CEACAM20: variants seen among roughly 807,000 people sequenced by gnomAD.
CEACAM20 encodes the protein cell adhesion molecule CEACAM20.
Under a neutral mutation model 61.2 loss-of-function variants are expected in CEACAM20, and 50 were observed. The observed-to-expected ratio is 0.82, with a 90% CI of 0.65 to 1.03. The LOEUF (loss-of-function observed/expected upper bound fraction) is 1.03. Ranked by LOEUF, CEACAM20 falls within the 50% of genes least tolerant of loss-of-function variation. The pLI is 0.00. For missense variants in CEACAM20, 683 were observed against 736.4 expected (o/e 0.93, Z 0.84); for synonymous variants, 282 against 287.7 (o/e 0.98, Z 0.20).
At chr19:44,527,464 C>T (rs539056143) in intron 1 of CEACAM20, among the ~76,000 whole-genome samples, 7 of 152,266 alleles carry the variant, frequency 4.6e-5, no homozygotes, top group South Asian at 2.1e-4. Context: ...TGAAAAATGG[C>T]GGTAGTAACA....
chr19:44,523,015 A>G, intron 3 of CEACAM20, 103 bp from the exon 4 acceptor site: 4 of 1,002,262 alleles, frequency 4.0e-6, no homozygotes, highest in Non-Finnish European at 5.9e-6. Context: ...CCTCCTCCCC[A>G]CTCAAAGGCT....
intron 6 of CEACAM20, among the ~76,000 whole-genome samples, chr19:44,515,415 G>A (rs1321261605): frequency 6.6e-6 from 1 of 152,192 alleles, no homozygotes; most frequent in Non-Finnish European, 1.5e-5. Flanking sequence ...CCACAAGATT[G>A]TTCTGAAGAT....
intron 2 of CEACAM20, among the ~76,000 whole-genome samples, chr19:44,524,552 G>C (rs1354671427): frequency 1.3e-5 from 2 of 152,100 alleles, no homozygotes; most frequent in African/African-American, 4.8e-5. Context: ...TCAAGCTTAC[G>C]ACATGGGTGC....
At chr19:44,525,785 TA>T (rs1373678537) in intron 1 of CEACAM20, among the ~76,000 whole-genome samples, 1 of 152,146 alleles carries the variant, frequency 6.6e-6, no homozygotes, top group Non-Finnish European at 1.5e-5. Flanking sequence ...TCCTCAACTG[TA>T]AAATGGGCAT....
At position 44,522,755 on chromosome 19, in the gene CEACAM20, G is replaced by A. The variant is rs1971405271; in HGVS notation, c.630C>T (p.His210=). The part of the protein sequence containing the change: ...TWFLLDSILS[H]TTRTFTIHAV... ...CATGGATGGTGAATGTTCTCGTGGT[G>A]TGAGACAGAATGGAGTCAAGGAGAA... Residue 210 remains histidine (H), a synonymous_variant, in exon 4 of 12, where the codon CAC becomes CAT. Coordinates refer to ENST00000614924, the MANE Select transcript of CEACAM20 (RefSeq NM_001102597.3). 6.2e-7 allele frequency: 1 copy of A among 1,613,950 alleles called. No individual in the cohort carries two copies. Among genetic ancestry groups the A allele is most frequent in the African/African-American group, 1.3e-5 (1 of 75,042 alleles).
intron 2 of CEACAM20, among the ~76,000 whole-genome samples, chr19:44,524,648 C>T (rs1028218763): frequency 6.6e-6 from 1 of 152,064 alleles, no homozygotes; most frequent in Non-Finnish European, 1.5e-5. Flanking sequence ...GGTTCAATCA[C>T]GGCTCACTGC....
intron 8 of CEACAM20, among the ~76,000 whole-genome samples, chr19:44,512,449 C>A (rs552833343): frequency 6.6e-6 from 1 of 152,178 alleles, no homozygotes; most frequent in Admixed American, 6.5e-5. Context: ...AATCCCAGAC[C>A]CAGAGATGGC....
rs778647513 is a variant in CEACAM20, at chr19:44,511,618, C to T, written c.1611+19G>A. On this transcript the variant is annotated intron_variant, in intron 10 of 11. Coordinates refer to ENST00000614924, the MANE Select transcript of CEACAM20 (RefSeq NM_001102597.3). ...TTCCTTCATAGATTCTTTAACCAAA[C>T]CCAGCAGGGCCAATGTACCTCATAG... 10 of 1,610,508 alleles carry T rather than the reference C, an allele frequency of 6.2e-6. No individual in the cohort carries two copies. The South Asian group carries it at 6.7e-5, about 11-fold the overall frequency.
At chr19:44,509,763 A>G (rs1970917810) in intron 11 of CEACAM20, among the ~76,000 whole-genome samples, 1 of 152,188 alleles carries the variant, frequency 6.6e-6, no homozygotes, top group African/African-American at 2.4e-5. Context: ...TATGGAGAAG[A>G]GAAAGTGAAT....
chr19:44,511,681 A>T lies in CEACAM20; in HGVS notation c.1576-9T>A. The T allele has an allele frequency of 6.2e-7, 1 of 1,612,368 alleles. No homozygotes were observed. Among genetic ancestry groups the T allele is most frequent in the Non-Finnish European group, 8.5e-7 (1 of 1,179,366 alleles). On this transcript the variant is annotated splice_polypyrimidine_tract_variant and intron_variant, in intron 9 of 11. Coordinates refer to ENST00000614924, the MANE Select transcript of CEACAM20 (RefSeq NM_001102597.3). ...AGGTCTGGTGGTTGCATCTGGGGAAAAACAAAGTTGCAGAGAGGTCATAGG... is the reference window on the plus strand; with the variant it reads ...AGGTCTGGTGGTTGCATCTGGGGAATAACAAAGTTGCAGAGAGGTCATAGG...
At chr19:44,507,919 T>A (rs1970865259) in intron 11 of CEACAM20, among the ~76,000 whole-genome samples, 1 of 152,130 alleles carries the variant, frequency 6.6e-6, no homozygotes, top group African/African-American at 2.4e-5. Context: ...GTGTATAGGA[T>A]ATTCACATTT....
chr19:44,525,245 C>T lies in CEACAM20; in HGVS notation c.53-1G>A. 1 of 1,573,220 alleles carries T rather than the reference C, an allele frequency of 6.4e-7. No homozygotes were observed. Among genetic ancestry groups the T allele is most frequent in the Non-Finnish European group, 8.6e-7 (1 of 1,162,432 alleles). On this transcript the variant is annotated splice_acceptor_variant, in intron 1 of 11. Coordinates refer to ENST00000614924, the MANE Select transcript of CEACAM20 (RefSeq NM_001102597.3). LOFTEE classifies it high-confidence loss of function. The stretch of plus-strand genomic sequence containing the variant: ...GGACTCCATACGGTACAAAGCGAGG[C>T]TACAAGGGGAGAGAGGAGGCATTCA...
chr19:44,512,055 T>G lies in CEACAM20; in HGVS notation c.1537A>C (p.Asn513His). 1 of 1,610,138 alleles carries G rather than the reference T, an allele frequency of 6.2e-7. No individual in the cohort carries two copies. The highest frequency in any genetic ancestry group is 1.7e-5 in the Admixed American group (1 of 59,490). The change falls in exon 9 of 12, where the codon AAT becomes CAT. Residue 513 changes from asparagine (N) to histidine (H), a missense_variant. Transcript: ENST00000614924. ...ATCCGTCCCTGAAGCTGGGATATAT[T>G]GCGATACTCAGGACTCAGGCTTTCT... is the stretch of plus-strand genomic sequence containing the variant. The part of the protein sequence containing the change: ...SSESLSPEYR[N>H]ISQLQGRIRV...
At position 44,517,220 on chromosome 19, in the gene CEACAM20, A is replaced by G. The variant is rs1461023134; in HGVS notation, c.1035T>C (p.Gly345=). 1 of 1,604,158 alleles carries G rather than the reference A, an allele frequency of 6.2e-7. No individual in the cohort carries two copies. Residue 345 remains glycine (G), a synonymous_variant, in exon 6 of 12, where the codon GGT becomes GGC. Transcript: ENST00000614924. The part of the protein sequence containing the change: ...SEPLELTINY[G]PDQVHITRES... ...CCCTGGTGATGTGCACTTGGTCAGG[A>G]CCATCTGTGTGTAAAGCCAAACGTG...
Position 44,512,869 on chromosome 19 carries a change from G to A in CEACAM20, c.1512C>T (p.Ser504=), listed in dbSNP as rs184877244. Reference sequence around the variant, plus strand: ...ATCAGCCACCATAGAGTCACTTACCGGAACTGGGCTCTGTGGGGTGCTCCT... The same window carrying A: ...ATCAGCCACCATAGAGTCACTTACCAGAACTGGGCTCTGTGGGGTGCTCCT... ...PKEEHPTEPS[S]ESLSPEYRNI... The change falls in exon 8 of 12, where the codon TCC becomes TCT. Residue 504 remains serine, a splice_region_variant and synonymous_variant. Transcript: ENST00000614924. The A allele has an allele frequency of 2.0e-4, 316 of 1,612,948 alleles. 1 individual carries two copies. The African/African-American group carries it at 3.4e-3, about 17-fold the overall frequency.
chr19:44,525,948 C>G (rs1007683606), intron 1 of CEACAM20, among the ~76,000 whole-genome samples: 1 of 152,132 alleles, frequency 6.6e-6, no homozygotes, highest in African/African-American at 2.4e-5. Context: ...GAGAAAAAAC[C>G]GATGCTCAGA....
intron 4 of CEACAM20, among the ~76,000 whole-genome samples, chr19:44,522,248 C>T (rs550355880): frequency 2.6e-5 from 4 of 152,092 alleles, no homozygotes; most frequent in Non-Finnish European, 4.4e-5. Context: ...GGACTACAGG[C>T]GCCCACCACC....
chr19:44,507,599 C>T (rs1411289034), intron 11 of CEACAM20, among the ~76,000 whole-genome samples: 3 of 152,194 alleles, frequency 2.0e-5, no homozygotes, highest in East Asian at 3.8e-4. Context: ...GCATTCAAGT[C>T]GCCAAGAGGC....
At chr19:44,527,219 T>C (rs1170884199) in intron 1 of CEACAM20, among the ~76,000 whole-genome samples, 3 of 152,170 alleles carry the variant, frequency 2.0e-5, no homozygotes, top group Admixed American at 6.5e-5. Flanking sequence ...GAGTGAGATA[T>C]CAAATGTGGC....
Sources: allele counts gnomAD v4.1 joint callset (sites outside exome capture counted in the v4.1 genomes callset), GRCh38; gene constraint gnomAD v4.1.1; transcripts MANE v1.5; gene names NCBI Gene and HGNC (gene_info 2026-07-23, HGNC 2026-07-21).